NETO2: variants seen among roughly 807,000 people sequenced by gnomAD.
The protein encoded by NETO2 is neuropilin and tolloid-like protein 2.
A neutral mutation model predicts 62.5 loss-of-function variants in NETO2; 28 were observed. That is an observed-to-expected ratio of 0.45 (90% confidence interval 0.33 to 0.61). NETO2 has a LOEUF of 0.61. Ranked by LOEUF, NETO2 falls within the 20% of genes least tolerant of loss-of-function variation. The pLI is 0.02. For missense variants in NETO2, 548 were observed against 643.2 expected, an observed-to-expected ratio of 0.85 and a Z score of 1.60; for synonymous variants, 214 against 219.1, an observed-to-expected ratio of 0.98 and a Z score of 0.21.
intron 6 of NETO2, among the ~76,000 whole-genome samples, chr16:47,118,201 T>C (rs538512346): frequency 6.6e-6 from 1 of 151,938 alleles, no homozygotes; most frequent in South Asian, 2.1e-4. Flanking sequence ...CTCTCTTTGT[T>C]TGGGTGGTGG....
At chr16:47,127,842 G>T (rs566604966) in intron 4 of NETO2, among the ~76,000 whole-genome samples, 1 of 152,322 alleles carries the variant, frequency 6.6e-6, no homozygotes, top group South Asian at 2.1e-4. Flanking sequence ...AGGAGGCAGA[G>T]AAAGAATTCA....
chr16:47,139,556 C>T (rs1188756819), intron 1 of NETO2, among the ~76,000 whole-genome samples: 2 of 152,182 alleles, frequency 1.3e-5, no homozygotes, highest in African/African-American at 4.8e-5. Context: ...CCTATAATGA[C>T]AGCAGAACAG....
In NETO2 at chr16:47,083,004, T is replaced by A; in HGVS notation, c.*217A>T. 1 of 472,868 alleles carries A rather than the reference T, an allele frequency of 2.1e-6. No homozygotes were observed. The highest frequency in any genetic ancestry group is 3.7e-6 in the Non-Finnish European group (1 of 271,112). The allele number at this position is 472,868 out of a possible 1,614,324, so 29.3% of individuals were successfully genotyped here. On this transcript the variant is annotated 3_prime_UTR_variant, in exon 9 of 9. Transcript: ENST00000562435. ...TATAAATGACACCAAGCAATAGAGATGATTATTGTTTCCACTGAATAGAGT... is the reference window on the plus strand; with the variant it reads ...TATAAATGACACCAAGCAATAGAGAAGATTATTGTTTCCACTGAATAGAGT...
chr16:47,103,342 T>C (rs1321667207), intron 7 of NETO2, among the ~76,000 whole-genome samples: 1 of 152,094 alleles, frequency 6.6e-6, no homozygotes, highest in African/African-American at 2.4e-5. Context: ...ATGTGGATGA[T>C]GGGTTGATGG....
chr16:47,140,229 A>C (rs1260990923), intron 1 of NETO2, among the ~76,000 whole-genome samples: 1 of 152,038 alleles, frequency 6.6e-6, no homozygotes, highest in African/African-American at 2.4e-5. Context: ...GAAGTTTGGA[A>C]ACCATTGGAT....
At chr16:47,122,127 C>T (rs560554187) in intron 6 of NETO2, among the ~76,000 whole-genome samples, 8 of 152,084 alleles carry the variant, frequency 5.3e-5, no homozygotes, top group Non-Finnish European at 1.2e-4. Context: ...CAAAAGTATC[C>T]AATCTCAATC....
chr16:47,118,475 T>C (rs1039206617), intron 6 of NETO2, among the ~76,000 whole-genome samples: 1 of 152,102 alleles, frequency 6.6e-6, no homozygotes, highest in Non-Finnish European at 1.5e-5. Flanking sequence ...GAAAGACAAG[T>C]TTTCCTTAGA....
chr16:47,140,405 G>A (rs1399353805), intron 1 of NETO2, among the ~76,000 whole-genome samples: 3 of 152,086 alleles, frequency 2.0e-5, no homozygotes, highest in Admixed American at 6.5e-5. Context: ...AAGAGAAGGA[G>A]GTAGTCTATT....
At chr16:47,115,692 A>G (rs1963897093) in intron 6 of NETO2, among the ~76,000 whole-genome samples, 1 of 120,086 alleles carries the variant, frequency 8.3e-6, no homozygotes, top group Non-Finnish European at 1.6e-5. Context: ...ATGCCCGGCT[A>G]ATTTTTATAT....
intron 6 of NETO2, among the ~76,000 whole-genome samples, chr16:47,114,643 G>C (rs1016919405): frequency 3.3e-5 from 5 of 150,824 alleles, no homozygotes; most frequent in African/African-American, 1.2e-4. Context: ...GTAGAGACGG[G>C]GTTTTACCGT....
chr16:47,127,460 T>G (rs575789483), intron 4 of NETO2, among the ~76,000 whole-genome samples: 1 of 152,310 alleles, frequency 6.6e-6, no homozygotes, highest in African/African-American at 2.4e-5. Flanking sequence ...CATATAGTTT[T>G]TTAAAAGAGT....
At chr16:47,129,930 G>C (rs1567398877) in intron 2 of NETO2, among the ~76,000 whole-genome samples, 1 of 152,186 alleles carries the variant, frequency 6.6e-6, no homozygotes, top group East Asian at 1.9e-4. Context: ...GTGGGGTTGG[G>C]GGTGGTGAGT....
intron 1 of NETO2, among the ~76,000 whole-genome samples, chr16:47,134,853 C>T (rs533759788): frequency 1.6e-4 from 25 of 152,336 alleles, no homozygotes; most frequent in Admixed American, 1.6e-3. Flanking sequence ...ACAGAATACA[C>T]AAGTAAGGCA....
chr16:47,142,439 T>G (rs1470955668), intron 1 of NETO2, among the ~76,000 whole-genome samples: 1 of 152,200 alleles, frequency 6.6e-6, no homozygotes, highest in African/African-American at 2.4e-5. Context: ...AAAATTACAC[T>G]GAACTTTCTA....
chr16:47,108,071 C>T (rs754824476), intron 7 of NETO2, among the ~76,000 whole-genome samples: 26 of 151,930 alleles, frequency 1.7e-4, no homozygotes, highest in Non-Finnish European at 2.6e-4. Flanking sequence ...CCACGATGCC[C>T]GGTCACAATA....
chr16:47,115,711 A>G (rs1372116612), intron 6 of NETO2, among the ~76,000 whole-genome samples: 1 of 136,212 alleles, frequency 7.3e-6, no homozygotes, highest in Non-Finnish European at 1.5e-5. Flanking sequence ...ATATATATAT[A>G]TACATATATA....
At chr16:47,143,157 C>T (rs1162660872) in intron 1 of NETO2, among the ~76,000 whole-genome samples, 1 of 152,136 alleles carries the variant, frequency 6.6e-6, no homozygotes, top group East Asian at 1.9e-4. Flanking sequence ...TTTTATTGTT[C>T]TCGTGGAATT....
intron 7 of NETO2, among the ~76,000 whole-genome samples, chr16:47,094,208 G>A (rs903595174): frequency 8.0e-5 from 12 of 149,136 alleles, no homozygotes; most frequent in Non-Finnish European, 1.2e-4. Context: ...AATATGATCT[G>A]CACTTATGAT....
Position 47,133,537 on chromosome 16 carries a change from C to T in NETO2, c.35-1512G>A, listed in dbSNP as rs189195959. Reference sequence around the variant, plus strand: ...TCGTGCCACTGCACTACTGCCTGGGCGAAAGAGTGAGACCATGCCTCAATA... The same window carrying T: ...TCGTGCCACTGCACTACTGCCTGGGTGAAAGAGTGAGACCATGCCTCAATA... On this transcript the variant is annotated intron_variant, in intron 1 of 8. Transcript: ENST00000562435. Among the ~76,000 whole-genome samples, 61 of 150,556 alleles carry T rather than the reference C, an allele frequency of 4.1e-4. 1 individual carries two copies. The highest frequency in any genetic ancestry group is 3.1e-3 in the East Asian group (16 of 5,118).
Sources: gnomAD v4.1 joint callset for allele counts (sites outside exome capture counted in the v4.1 genomes callset) on GRCh38, gnomAD v4.1.1 for gene constraint, MANE v1.5 for transcripts, NCBI Gene and HGNC (gene_info 2026-07-23, HGNC 2026-07-21) for gene names.